Variants in RBM19 observed in about 807,000 individuals in gnomAD.
RBM19 encodes RNA binding motif protein 19, also known as probable RNA-binding protein 19.
In RBM19, 94 loss-of-function variants were observed where a neutral mutation model predicts 116.8. That is an observed-to-expected ratio of 0.80 (90% CI 0.68 to 0.95). RBM19 has a LOEUF of 0.95. Among genes scored for constraint, RBM19 ranks in the 40% least tolerant of loss-of-function variants. The probability of loss-of-function intolerance (pLI) is 0.00; values close to 1 mark genes in which losing one functional copy is unlikely to be tolerated. For missense variants in RBM19, 1,161 were observed against 1,220.7 expected (o/e 0.95, Z 0.73); for synonymous variants, 475 against 494.1 (o/e 0.96, Z 0.51).
At chr12:113,922,237 GCCCAGCCACA>G (rs1868641114) in intron 18 of RBM19, among the ~76,000 whole-genome samples, 1 of 152,134 alleles carries the variant, frequency 6.6e-6, no homozygotes, top group African/African-American at 2.4e-5. Context: ...GGCTCCCTTA[GCCCAGCCACA>G]CGTCGGCCCC....
chr12:113,830,419 G>A (rs1028427156), intron 23 of RBM19, among the ~76,000 whole-genome samples: 1 of 152,092 alleles, frequency 6.6e-6, no homozygotes, highest in Admixed American at 6.6e-5. Context: ...TGGCTGGAGA[G>A]TGGGTCGGTG....
At chr12:113,823,386 G>A (rs1874590758) in intron 23 of RBM19, 65 bp from the exon 24 acceptor site, 1 of 1,421,308 alleles carries the variant, frequency 7.0e-7, no homozygotes, top group Non-Finnish European at 9.8e-7. Flanking sequence ...GGCAGGAAGA[G>A]AGAAATGACA....
intron 19 of RBM19, among the ~76,000 whole-genome samples, chr12:113,919,841 C>T (rs1194282032): frequency 6.6e-6 from 1 of 152,036 alleles, no homozygotes. Flanking sequence ...TCCTACCTGC[C>T]CCCTGCCCCC....
Position 113,959,387 on chromosome 12 carries a change from C to T in RBM19, c.396G>A (p.Glu132=), listed in dbSNP as rs140397506. 0.016 allele frequency: 25,852 copies of T among 1,604,546 alleles called. 300 individuals are homozygous for T. The highest frequency in any genetic ancestry group is 0.018 in the Non-Finnish European group (20,639 of 1,171,900). The change falls in exon 5 of 24, where the codon GAG becomes GAA. Residue 132 remains glutamate (E), a synonymous_variant. Transcript: ENST00000261741. ...GQLEKLKEDT[E]FQEFLSVHQR... ...GATGAACTGACAGAAACTCCTGGAA[C>T]TCTGTATCCTCCTTCAGCTGGTGGC...
At chr12:113,927,592 A>G (rs1193565901) in intron 16 of RBM19, among the ~76,000 whole-genome samples, 1 of 85,554 alleles carries the variant, frequency 1.2e-5, no homozygotes, top group Non-Finnish European at 2.3e-5. Context: ...CTCAAAAAAC[A>G]AAAAAAAAAA....
intron 23 of RBM19, among the ~76,000 whole-genome samples, chr12:113,831,915 G>A (rs1202627996): frequency 6.6e-6 from 1 of 152,208 alleles, no homozygotes; most frequent in South Asian, 2.1e-4. Flanking sequence ...CACTGCTGCA[G>A]GGAGAAGGAT....
In RBM19 at chr12:113,844,801, A is replaced by G. The variant is rs1282383811; in HGVS notation, c.2665-13T>C. 1.9e-6 allele frequency: 3 copies of G among 1,603,076 alleles called. No homozygotes were observed. In the Admixed American group the frequency reaches 5.1e-5, roughly 27 times the overall value. On this transcript the variant is annotated splice_polypyrimidine_tract_variant and intron_variant, in intron 22 of 23. Coordinates refer to ENST00000261741, the MANE Select transcript of RBM19 (RefSeq NM_016196.4). ...CGTTGAAGGCTCTCTGCAGAGGGAC[A>G]AGAAACGAAACTGCACATCAGCTGG... is the stretch of plus-strand genomic sequence containing the variant.
chr12:113,886,595 T>C (rs1463287663), intron 21 of RBM19, among the ~76,000 whole-genome samples: 3 of 152,250 alleles, frequency 2.0e-5, no homozygotes, highest in Admixed American at 6.5e-5. Flanking sequence ...TAGTCCACCA[T>C]GGACCTTGCA....
intron 23 of RBM19, among the ~76,000 whole-genome samples, chr12:113,842,916 T>G (rs1033320652): frequency 2.0e-5 from 3 of 150,246 alleles, no homozygotes; most frequent in Admixed American, 1.3e-4. Flanking sequence ...CTGTGGGAGG[T>G]GTGGTGGGAG....
At chr12:113,831,403 C>T (rs932152299) in intron 23 of RBM19, among the ~76,000 whole-genome samples, 3 of 152,138 alleles carry the variant, frequency 2.0e-5, no homozygotes, top group Non-Finnish European at 4.4e-5. Context: ...CTGGCCACCC[C>T]CTACCACCAG....
At chr12:113,915,536 C>T (rs897014940) in intron 20 of RBM19, among the ~76,000 whole-genome samples, 1 of 152,216 alleles carries the variant, frequency 6.6e-6, no homozygotes, top group African/African-American at 2.4e-5. Context: ...AGGACACTCT[C>T]AGCCCAGGTT....
At chr12:113,858,071 C>T (rs1012803047) in intron 22 of RBM19, among the ~76,000 whole-genome samples, 1 of 152,238 alleles carries the variant, frequency 6.6e-6, no homozygotes, top group Non-Finnish European at 1.5e-5. Context: ...GGATTCTGAC[C>T]TGGAGCTCAA....
At chr12:113,879,431 T>TATATATA (rs1879928070) in intron 21 of RBM19, among the ~76,000 whole-genome samples, 1 of 132,660 alleles carries the variant, frequency 7.5e-6, no homozygotes, top group Non-Finnish European at 1.6e-5. Flanking sequence ...TACATACATT[T>TATATATA]TATATATATA....
rs113541814 is a variant in RBM19 at position 113,957,746 on chromosome 12, A to C, written c.840+36T>G. 8.3e-5 allele frequency: 127 copies of C among 1,531,446 alleles called. No individual in the cohort carries two copies. The East Asian group carries it at 2.8e-3, about 34-fold the overall frequency. The allele number at this position is 1,531,446 out of a possible 1,614,324, so 94.9% of individuals were successfully genotyped here. On this transcript the variant is annotated intron_variant, in intron 6 of 23. Transcript: ENST00000261741. ...GGACCACGGGCAAGCAGGAGAGCGC[A>C]CCTCCTCCCTCATCACCTGCGGGAT...
At chr12:113,892,528 A>C (rs1243893345) in intron 21 of RBM19, among the ~76,000 whole-genome samples, 1 of 152,238 alleles carries the variant, frequency 6.6e-6, no homozygotes, top group East Asian at 1.9e-4. Context: ...GTAAGATTCA[A>C]AAGAGTTTTG....
chr12:113,916,166 T>C (rs1261216849), intron 20 of RBM19, among the ~76,000 whole-genome samples: 1 of 152,162 alleles, frequency 6.6e-6, no homozygotes, highest in Admixed American at 6.5e-5. Context: ...ATCCCAACAC[T>C]TTGGGAGGCT....
chr12:113,893,580 AT>A (rs1294154386), intron 21 of RBM19, among the ~76,000 whole-genome samples: 2 of 152,134 alleles, frequency 1.3e-5, no homozygotes, highest in East Asian at 1.9e-4. Flanking sequence ...AGTGTTTCTA[AT>A]TTTTTGCTAT....
chr12:113,911,984 CA>C (rs1882458716), intron 21 of RBM19, among the ~76,000 whole-genome samples: 2 of 152,162 alleles, frequency 1.3e-5, no homozygotes, highest in South Asian at 4.1e-4. Context: ...TCTGAGTTTC[CA>C]AAAGCATAAT....
At chr12:113,881,519 G>A (rs552990305) in intron 21 of RBM19, among the ~76,000 whole-genome samples, 1 of 152,172 alleles carries the variant, frequency 6.6e-6, no homozygotes, top group Non-Finnish European at 1.5e-5. Flanking sequence ...TACACCAAAC[G>A]TTGTCTTCCT....
Sources: gnomAD v4.1 joint callset for allele counts (sites outside exome capture counted in the v4.1 genomes callset) on GRCh38, gnomAD v4.1.1 for gene constraint, MANE v1.5 for transcripts, NCBI Gene and HGNC (gene_info 2026-07-23, HGNC 2026-07-21) for gene names.